The following HERC1 variants were observed in gnomAD, a reference collection of about 807,000 sequenced individuals.
HERC1 encodes the protein HECT and RLD domain containing E3 ubiquitin protein ligase family member 1.
Under a neutral mutation model 554.3 loss-of-function variants are expected in HERC1, and 160 were observed. The observed-to-expected ratio is 0.29, with a 90% CI of 0.25 to 0.33. The LOEUF is 0.33. HERC1 is among the 10% of genes least tolerant of loss of function. HERC1 has a pLI of 1.00. For missense variants in HERC1, 4,919 were observed against 5,918.5 expected (o/e 0.83, Z 5.54); for synonymous variants, 2,175 against 2,131.7 (o/e 1.02, Z -0.56).
chr15:63,627,692 G>T (rs973428529), intron 70 of HERC1, among the ~76,000 whole-genome samples: 2 of 148,398 alleles, frequency 1.3e-5, no homozygotes, highest in Non-Finnish European at 3.0e-5. Context: ...AAAAAAAAAG[G>T]AAACTGCCCA....
At chr15:63,695,195 T>C (rs931925712) in intron 27 of HERC1, among the ~76,000 whole-genome samples, 3 of 151,386 alleles carry the variant, frequency 2.0e-5, no homozygotes, top group Admixed American at 6.6e-5. Flanking sequence ...ACCACCACAC[T>C]TGGCTAATTT....
At chr15:63,636,273 G>GGT in intron 64 of HERC1, 131 bp from the exon 65 acceptor site, 1 of 523,712 alleles carries the variant, frequency 1.9e-6, no homozygotes, top group African/African-American at 2.1e-5. Flanking sequence ...AATTTCATTA[G>GGT]TTTTTTTTTT....
At chr15:63,726,156 A>G (rs754106281) in intron 17 of HERC1, among the ~76,000 whole-genome samples, 9 of 152,028 alleles carry the variant, frequency 5.9e-5, no homozygotes, top group Non-Finnish European at 8.8e-5. Flanking sequence ...TAATTTTTGT[A>G]TTTTTAGTAG....
intron 73 of HERC1, 63 bp downstream of exon 73, chr15:63,623,662 G>A: frequency 6.7e-7 from 1 of 1,502,238 alleles, no homozygotes. Context: ...AGTGATCACT[G>A]GAAACAGCAA....
Position 63,771,437 on chromosome 15 carries a change from G to GTT in HERC1, c.930+3255_930+3256dup, listed in dbSNP as rs137911679. On this transcript the variant is annotated intron_variant, in intron 2 of 77. Transcript: ENST00000443617. ...CTAGAATTCTGAGAAAAGCAATCTA[G>GTT]TTTTTTTTTTTTTGAGACAGTCTTG... is the stretch of plus-strand genomic sequence containing the variant. 6.7e-3 allele frequency among the ~76,000 whole-genome samples: 970 copies of GTT among 144,708 alleles called. 8 individuals are homozygous for GTT. The highest frequency in any genetic ancestry group is 9.7e-3 in the Admixed American group (140 of 14,402). The allele number at this position is 144,708 out of a possible 152,430, so 94.9% of individuals were successfully genotyped here.
rs375426648 is a variant in HERC1, at chr15:63,758,533, A to G, written c.1027-164T>C. The stretch of plus-strand genomic sequence containing the variant: ...CTAGACTATTTACTCATATGGAATA[A>G]ACCACTAAAAGACGCTAATGAAGTG... On this transcript the variant is annotated intron_variant, in intron 3 of 77. Coordinates refer to ENST00000443617, the MANE Select transcript of HERC1 (RefSeq NM_003922.4). This position sits in a 1 kb window ranked among gnomAD's most constrained non-coding sequence, Gnocchi z 4.0. Among the ~76,000 whole-genome samples, 20 of 152,214 alleles carry G rather than the reference A, an allele frequency of 1.3e-4. No homozygotes were observed. The highest frequency in any genetic ancestry group is 7.7e-4 in the East Asian group (4 of 5,200).
chr15:63,803,460 T>C (rs2144890113), intron 1 of HERC1, among the ~76,000 whole-genome samples: 1 of 152,224 alleles, frequency 6.6e-6, no homozygotes, highest in Non-Finnish European at 1.5e-5. Flanking sequence ...CTGGTTCTGA[T>C]GCCCAGGCTG....
rs769971190 is a variant in HERC1, at chr15:63,636,130, G to A, written c.12245C>T (p.Thr4082Ile). 2 of 1,613,710 alleles carry A rather than the reference G, an allele frequency of 1.2e-6. No individual in the cohort carries two copies. Among genetic ancestry groups the A allele is most frequent in the Admixed American group, 1.7e-5 (1 of 59,996 alleles). Residue 4082 changes from threonine to isoleucine, a missense_variant, in exon 65 of 78, where the codon ACC (threonine) becomes ATC (isoleucine). By Grantham distance (89) the Thr-to-Ile change is moderately conservative. Around this residue, in one of 11 missense-constraint regions of HERC1, gnomAD observed 122 missense variants for 195.2 expected, o/e 0.63. Coordinates refer to ENST00000443617, the MANE Select transcript of HERC1 (RefSeq NM_003922.4). The stretch of plus-strand genomic sequence containing the variant: ...AGAACCACAGGAAGTCACCAGCTGG[G>A]TCACCACAAAGCCTGGAACAGAACA... ...VISALQGFVV[T>I]QLVTSCGSDG... is the part of the protein sequence containing the mutation.
intron 1 of HERC1, among the ~76,000 whole-genome samples, chr15:63,803,335 T>G (rs908462758): frequency 6.6e-6 from 1 of 152,150 alleles, no homozygotes; most frequent in Non-Finnish European, 1.5e-5. Flanking sequence ...GAGTAAGGAT[T>G]CAAACCAGAC....
chr15:63,627,832 T>C (rs747226698), intron 70 of HERC1, among the ~76,000 whole-genome samples: 4 of 152,234 alleles, frequency 2.6e-5, no homozygotes, highest in Non-Finnish European at 5.9e-5. Context: ...GTATGTATTA[T>C]GGTTTTCTTT....
chr15:63,782,372 A>C (rs1024740094), intron 1 of HERC1, among the ~76,000 whole-genome samples: 1 of 152,004 alleles, frequency 6.6e-6, no homozygotes. Context: ...TTATAAACCT[A>C]CTCTCCCTGT....
At chr15:63,616,768 T>C (rs932618133) in intron 74 of HERC1, 86 bp from the exon 75 acceptor site, 4 of 1,217,688 alleles carry the variant, frequency 3.3e-6, no homozygotes, top group Non-Finnish European at 4.7e-6. Context: ...AGCGTTAGTC[T>C]ATACCTGTAC....
intron 2 of HERC1, among the ~76,000 whole-genome samples, chr15:63,766,238 A>C (rs2075772517): frequency 6.8e-6 from 1 of 147,902 alleles, no homozygotes; most frequent in African/African-American, 2.4e-5. Flanking sequence ...AATTTGATTA[A>C]TACTAATTTA....
chr15:63,646,288 C>T (rs1043135497), intron 55 of HERC1, among the ~76,000 whole-genome samples: 3 of 152,096 alleles, frequency 2.0e-5, no homozygotes, highest in Non-Finnish European at 4.4e-5. Context: ...GAATTTCTGA[C>T]ATTACTGGGA....
chr15:63,662,023 T>G lies in HERC1; in HGVS notation c.8902-2A>C, dbSNP rs758017462. 6.2e-7 allele frequency: 1 copy of G among 1,608,912 alleles called. No homozygotes were observed. Among genetic ancestry groups the G allele is most frequent in the East Asian group, 2.2e-5 (1 of 44,752 alleles). On this transcript the variant is annotated splice_acceptor_variant, in intron 44 of 77. Coordinates refer to ENST00000443617, the MANE Select transcript of HERC1 (RefSeq NM_003922.4). LOFTEE classifies it high-confidence loss of function. ...CCTGTCTTCAGACTCACAAACATGC[T>G]GCACAAAAGGATTTCATACCAAATG...
chr15:63,785,154 G>A (rs1259946593), intron 1 of HERC1, among the ~76,000 whole-genome samples: 1 of 152,172 alleles, frequency 6.6e-6, no homozygotes, highest in African/African-American at 2.4e-5. Context: ...GCCAGGTGTG[G>A]TGGCTCACTC....
chr15:63,760,232 A>C (rs796846640), intron 3 of HERC1, among the ~76,000 whole-genome samples: 1 of 151,992 alleles, frequency 6.6e-6, no homozygotes, highest in Non-Finnish European at 1.5e-5. Context: ...ATTACACACA[A>C]AAAAAAACAG....
At chr15:63,815,513 G>A (rs932173074) in intron 1 of HERC1, among the ~76,000 whole-genome samples, 14 of 152,208 alleles carry the variant, frequency 9.2e-5, no homozygotes, top group Non-Finnish European at 2.1e-4. Context: ...GTTACATAGT[G>A]ACTGATGAAG....
In HERC1 at chr15:63,645,012, C is replaced by G. The variant is rs1455955352; in HGVS notation, c.11164G>C (p.Glu3722Gln). ...GTTACCTGGCAATTTGATTCCTGCTCCCACCATCCTTCTGCACTAGTCACA... is the reference window on the plus strand; with the variant it reads ...GTTACCTGGCAATTTGATTCCTGCTGCCACCATCCTTCTGCACTAGTCACA... The part of the protein sequence containing the change: ...TNVTSAEGWW[E>Q]QESNCQDGYR... Residue 3722 changes from glutamate (E) to glutamine (Q), a missense_variant, in exon 57 of 78, where the codon GAG becomes CAG. Around this residue, in one of 11 missense-constraint regions of HERC1, gnomAD observed 1,963 missense variants for 2,228.6 expected, o/e 0.88. Coordinates refer to ENST00000443617, the MANE Select transcript of HERC1 (RefSeq NM_003922.4). 1 of 1,612,686 alleles carries G rather than the reference C, an allele frequency of 6.2e-7. No homozygotes were observed. The highest frequency in any genetic ancestry group is 1.3e-5 in the African/African-American group (1 of 74,984).
Sources: allele counts gnomAD v4.1 joint callset (sites outside exome capture counted in the v4.1 genomes callset), GRCh38; gene constraint gnomAD v4.1.1; regional missense constraint gnomAD v4.1.1; non-coding constraint Gnocchi (gnomAD v3.1); transcripts MANE v1.5; gene names NCBI Gene and HGNC (gene_info 2026-07-23, HGNC 2026-07-21).